DIAPH3: variants seen among roughly 807,000 people sequenced by gnomAD.
DIAPH3 encodes diaphanous related formin 3.
DIAPH3 carries 117 observed loss-of-function variants against 144.3 expected under a neutral mutation model. The ratio of observed to expected loss-of-function variants is 0.81; its 90% CI spans 0.70 to 0.95. The LOEUF is 0.95. Among genes scored for constraint, DIAPH3 ranks in the 40% least tolerant of loss-of-function variants. The pLI is 0.00. For missense variants in DIAPH3, 1,421 were observed against 1,412.7 expected (o/e 1.01, Z -0.09); for synonymous variants, 519 against 488.9 (o/e 1.06, Z -0.81).
chr13:59,678,649 G>A (rs2032771542), intron 27 of DIAPH3, among the ~76,000 whole-genome samples: 1 of 152,070 alleles, frequency 6.6e-6, no homozygotes, highest in South Asian at 2.1e-4. Context: ...AGGTAATTCA[G>A]AAAACATCTG....
At chr13:59,744,326 C>G (rs1447067825) in intron 27 of DIAPH3, among the ~76,000 whole-genome samples, 4 of 152,018 alleles carry the variant, frequency 2.6e-5, no homozygotes, top group African/African-American at 7.2e-5. Context: ...TAATATCCAC[C>G]AAGTTCAGTT....
chr13:59,833,213 A>G lies in DIAPH3; in HGVS notation c.2921T>C (p.Met974Thr). The change falls in exon 24 of 28, where the codon ATG becomes ACG. Residue 974 changes from methionine to threonine, a missense_variant. Physicochemically the swap from Met to Thr is moderately conservative, Grantham distance 81. Transcript: ENST00000400324. ...TATTATACTCTGGTATAACTTTTCC[A>G]TGTTTTCGTGTAACTTCGAAAGTGT... ...YETLSKLHEN[M>T]EKLYQSIIGY... The G allele has an allele frequency of 6.2e-7, 1 of 1,610,052 alleles. No individual in the cohort carries two copies. Among genetic ancestry groups the G allele is most frequent in the Non-Finnish European group, 8.5e-7 (1 of 1,177,658 alleles).
At chr13:59,938,802 G>C (rs1197031994) in intron 17 of DIAPH3, among the ~76,000 whole-genome samples, 3 of 152,116 alleles carry the variant, frequency 2.0e-5, no homozygotes, top group Non-Finnish European at 4.4e-5. Context: ...CTTCCTGAGA[G>C]AGTAGAGAAT....
At chr13:59,806,937 G>A (rs1256372018) in intron 25 of DIAPH3, among the ~76,000 whole-genome samples, 1 of 151,654 alleles carries the variant, frequency 6.6e-6, no homozygotes, top group African/African-American at 2.4e-5. Flanking sequence ...GTAATTAAGT[G>A]CTAAATTAGA....
intron 5 of DIAPH3, among the ~76,000 whole-genome samples, chr13:60,033,204 G>A (rs1008596613): frequency 6.6e-6 from 1 of 152,178 alleles, no homozygotes; most frequent in African/African-American, 2.4e-5. Context: ...TGAGTCGCAA[G>A]GAAGTTTCAA....
rs1391211931 is a variant in DIAPH3 at position 59,666,487 on chromosome 13, A to G, written c.*97T>C. 15 of 1,359,588 alleles carry G rather than the reference A, an allele frequency of 1.1e-5. No individual in the cohort carries two copies. The highest frequency in any genetic ancestry group is 3.0e-5 in the African/African-American group (2 of 67,604). 84.2% of individuals were successfully genotyped at this position (1,359,588 alleles called of 1,614,324 possible). On this transcript the variant is annotated 3_prime_UTR_variant, in exon 28 of 28. Coordinates refer to ENST00000400324, the MANE Select transcript of DIAPH3 (RefSeq NM_001042517.2). The stretch of plus-strand genomic sequence containing the variant: ...AATATATATCATAATTTAAAACTAT[A>G]TAAAGTCACTTACATAAAAGCAATT...
Position 59,970,842 on chromosome 13 carries a change from T to C in DIAPH3, c.1959+10A>G, listed in dbSNP as rs373437661. 72 of 1,607,248 alleles carry C rather than the reference T, an allele frequency of 4.5e-5. No homozygotes were observed. The highest frequency in any genetic ancestry group is 5.8e-5 in the Non-Finnish European group (68 of 1,176,128). On this transcript the variant is annotated intron_variant, in intron 16 of 27. Transcript: ENST00000400324. ...AAGTAAAAGTATTTTCCTCTATTAA[T>C]TTCTTTTACCTTTAACCAATTCAAT...
chr13:59,888,955 G>A (rs765586021), intron 20 of DIAPH3, among the ~76,000 whole-genome samples: 1 of 151,850 alleles, frequency 6.6e-6, no homozygotes, highest in African/African-American at 2.4e-5. Context: ...CTTCTATGAA[G>A]CCAGCAAAAT....
intron 17 of DIAPH3, among the ~76,000 whole-genome samples, chr13:59,930,578 A>C (rs1159708266): frequency 6.6e-6 from 1 of 152,202 alleles, no homozygotes; most frequent in Non-Finnish European, 1.5e-5. Flanking sequence ...GAAGATAATA[A>C]GAACAGAAAA....
chr13:60,093,597 C>A, intron 4 of DIAPH3, 31 bp downstream of exon 4: 1 of 1,409,442 alleles, frequency 7.1e-7, no homozygotes, highest in Non-Finnish European at 1.0e-6. Context: ...ACATGTTCGG[C>A]AGTATTTTTC....
chr13:59,774,150 G>A, intron 27 of DIAPH3, 39 bp downstream of exon 27: 1 of 1,592,558 alleles, frequency 6.3e-7, no homozygotes. Flanking sequence ...GATAAAAGTA[G>A]ATAAGAAGAA....
intron 14 of DIAPH3, among the ~76,000 whole-genome samples, chr13:59,978,074 T>G (rs1049577712): frequency 6.6e-6 from 1 of 151,758 alleles, no homozygotes; most frequent in African/African-American, 2.4e-5. Context: ...ACATAGGGTT[T>G]GTCTACCATA....
chr13:59,987,929 C>T (rs2051534540), intron 12 of DIAPH3, among the ~76,000 whole-genome samples: 1 of 151,760 alleles, frequency 6.6e-6, no homozygotes, highest in Admixed American at 6.6e-5. Context: ...CACAGTCCTC[C>T]ATCTCAGATC....
At chr13:59,961,316 C>A (rs2049740291) in intron 17 of DIAPH3, among the ~76,000 whole-genome samples, 1 of 152,206 alleles carries the variant, frequency 6.6e-6, no homozygotes, top group African/African-American at 2.4e-5. Context: ...CTCACAATAA[C>A]CTCATGATAT....
intron 2 of DIAPH3, among the ~76,000 whole-genome samples, chr13:60,125,082 T>A (rs1377001288): frequency 6.6e-6 from 1 of 152,174 alleles, no homozygotes; most frequent in Non-Finnish European, 1.5e-5. Flanking sequence ...AGAGGTTTGG[T>A]GTTACAATTA....
chr13:59,888,486 A>G (rs995481532), intron 20 of DIAPH3, among the ~76,000 whole-genome samples: 3 of 152,114 alleles, frequency 2.0e-5, no homozygotes, highest in African/African-American at 7.2e-5. Context: ...TTAGTCAAGC[A>G]ATTTTTAGTA....
At chr13:59,907,440 AT>A (rs1165079712) in intron 20 of DIAPH3, among the ~76,000 whole-genome samples, 1 of 152,178 alleles carries the variant, frequency 6.6e-6, no homozygotes, top group Non-Finnish European at 1.5e-5. Flanking sequence ...AGTTTATTGG[AT>A]TTTTGATGTG....
At chr13:59,666,876 T>G (rs1327031120) in intron 27 of DIAPH3, 30 bp from the exon 28 acceptor site, 2 of 1,613,518 alleles carry the variant, frequency 1.2e-6, no homozygotes, top group Non-Finnish European at 1.7e-6. Flanking sequence ...AACATAAAAC[T>G]TATCACCATG....
intron 5 of DIAPH3, among the ~76,000 whole-genome samples, chr13:60,038,030 T>C (rs2055357780): frequency 6.6e-6 from 1 of 151,960 alleles, no homozygotes; most frequent in Non-Finnish European, 1.5e-5. Context: ...AAACAGTAGG[T>C]TAATTAGGAA....
Sources: gnomAD v4.1 joint callset for allele counts (sites outside exome capture counted in the v4.1 genomes callset) on GRCh38, gnomAD v4.1.1 for gene constraint, MANE v1.5 for transcripts, NCBI Gene and HGNC (gene_info 2026-07-23, HGNC 2026-07-21) for gene names.